MALRD1: variants seen among roughly 807,000 people sequenced by gnomAD.
MALRD1 encodes the protein MAM and LDL-receptor class A domain-containing protein 1.
In MALRD1, 247 loss-of-function variants were observed where a neutral mutation model predicts 242.1. That is an observed-to-expected ratio of 1.02 (90% CI 0.92 to 1.13). The LOEUF is 1.13. Among genes scored for constraint, MALRD1 ranks in the 50% most tolerant of loss-of-function variants. The probability of loss-of-function intolerance (pLI) is 0.00; values close to 1 mark genes in which losing one functional copy is unlikely to be tolerated. For synonymous variants in MALRD1, 995 were observed against 866.6 expected, an observed-to-expected ratio of 1.15 and a Z score of -2.60; for missense variants, 2,989 against 2,533.1, an observed-to-expected ratio of 1.18 and a Z score of -3.86.
At position 19,280,045 on chromosome 10, in the gene MALRD1, A is replaced by C. The variant is rs553212933; in HGVS notation, c.3080-2A>C. ...GATGCCTGTATATTATTTCTTATCA[A>C]GGTAATTTGCCAGCAGACCTCCCAA... On this transcript the variant is annotated splice_acceptor_variant, in intron 19 of 39. Transcript: ENST00000454679. LOFTEE classifies it high-confidence loss of function. 1 of 1,491,766 alleles carries C rather than the reference A, an allele frequency of 6.7e-7. No individual in the cohort carries two copies. Among genetic ancestry groups the C allele is most frequent in the East Asian group, 2.5e-5 (1 of 39,878 alleles). 92.4% of individuals were successfully genotyped at this position (1,491,766 alleles called of 1,614,324 possible).
At chr10:19,293,527 G>T (rs1841548272) in intron 21 of MALRD1, among the ~76,000 whole-genome samples, 1 of 152,060 alleles carries the variant, frequency 6.6e-6, no homozygotes, top group Admixed American at 6.5e-5. Flanking sequence ...CTTTAATTTT[G>T]ATTTTATTCA....
chr10:19,047,325 A>G (rs1365412338), upstream of MALRD1, among the ~76,000 whole-genome samples: 1 of 149,630 alleles, frequency 6.7e-6, no homozygotes, highest in African/African-American at 2.5e-5. Flanking sequence ...AAATGAGTTT[A>G]GTTTTCTATA....
At chr10:19,328,601 G>T (rs926701864) in intron 23 of MALRD1, among the ~76,000 whole-genome samples, 12 of 152,122 alleles carry the variant, frequency 7.9e-5, no homozygotes, top group African/African-American at 2.2e-4. Flanking sequence ...TGATAGATCA[G>T]CTCCTCTCAA....
At chr10:19,142,967 G>A (rs887329061) in intron 10 of MALRD1, among the ~76,000 whole-genome samples, 5 of 152,120 alleles carry the variant, frequency 3.3e-5, no homozygotes, top group East Asian at 1.9e-4. Context: ...ATTCTTTTAC[G>A]TGTACAGGAA....
At chr10:19,639,509 C>T (rs976032145) in intron 36 of MALRD1, among the ~76,000 whole-genome samples, 4 of 152,154 alleles carry the variant, frequency 2.6e-5, no homozygotes, top group South Asian at 4.1e-4. Context: ...ACTTCAAAAT[C>T]GGAGTTTCAC....
At chr10:19,351,891 A>G in intron 25 of MALRD1, 115 bp from the exon 26 acceptor site, 2 of 994,780 alleles carry the variant, frequency 2.0e-6, no homozygotes, top group Non-Finnish European at 1.4e-6. Context: ...AAACAGGTGT[A>G]ATTTTCCTCC....
At chr10:19,515,812 C>T (rs1833602597) in intron 31 of MALRD1, among the ~76,000 whole-genome samples, 1 of 152,092 alleles carries the variant, frequency 6.6e-6, no homozygotes, top group African/African-American at 2.4e-5. Flanking sequence ...TCGTGATCTG[C>T]CTGCCTTGGC....
chr10:19,393,160 G>A (rs979494942), intron 28 of MALRD1, among the ~76,000 whole-genome samples: 1 of 152,014 alleles, frequency 6.6e-6, no homozygotes, highest in Non-Finnish European at 1.5e-5. Context: ...AAATAACTGG[G>A]CCCTATCTTT....
chr10:19,117,086 C>A, intron 5 of MALRD1, among the ~76,000 whole-genome samples: 1 of 142,990 alleles, frequency 7.0e-6, no homozygotes, highest in South Asian at 2.3e-4. Flanking sequence ...CAGAGTGAGA[C>A]TCTGTCTCAA....
At chr10:19,320,855 G>A (rs1280903489) in intron 21 of MALRD1, among the ~76,000 whole-genome samples, 2 of 151,742 alleles carry the variant, frequency 1.3e-5, no homozygotes, top group Non-Finnish European at 2.9e-5. Flanking sequence ...CAAGTTTGTT[G>A]GCTGCATAAA....
chr10:19,574,278 T>G (rs1055290549), intron 33 of MALRD1, among the ~76,000 whole-genome samples: 1 of 152,210 alleles, frequency 6.6e-6, no homozygotes, highest in Non-Finnish European at 1.5e-5. Flanking sequence ...TTGTGTTCAA[T>G]GGTGTATTCT....
intron 5 of MALRD1, among the ~76,000 whole-genome samples, chr10:19,122,539 C>T (rs942797068): frequency 6.6e-6 from 1 of 151,974 alleles, no homozygotes; most frequent in Non-Finnish European, 1.5e-5. Context: ...CAGGGCTCAC[C>T]TACAGTGTCT....
intron 21 of MALRD1, among the ~76,000 whole-genome samples, chr10:19,320,232 C>T (rs541576906): frequency 7.4e-4 from 113 of 151,860 alleles, no homozygotes; most frequent in South Asian, 4.8e-3. Flanking sequence ...ACCCCTACCC[C>T]GCGACAGGCC....
chr10:19,403,812 T>A (rs1475912326), intron 28 of MALRD1, among the ~76,000 whole-genome samples: 1 of 152,172 alleles, frequency 6.6e-6, no homozygotes, highest in Non-Finnish European at 1.5e-5. Flanking sequence ...TTAGTCTTTT[T>A]AGCGTTTGTT....
chr10:19,364,448 T>C (rs1845027518), intron 26 of MALRD1, among the ~76,000 whole-genome samples: 1 of 152,112 alleles, frequency 6.6e-6, no homozygotes, highest in Non-Finnish European at 1.5e-5. Context: ...ATTTTTAATG[T>C]CCTAAGTAAT....
intron 12 of MALRD1, among the ~76,000 whole-genome samples, chr10:19,156,087 G>A (rs4472834): frequency 0.34 from 50,934 of 151,898 alleles, 9,016 homozygotes; most frequent in Non-Finnish European, 0.39. Flanking sequence ...GAAGAGATCA[G>A]TAGTGCCACA....
intron 39 of MALRD1, among the ~76,000 whole-genome samples, chr10:19,733,019 T>C (rs1033875897): frequency 6.6e-6 from 1 of 152,236 alleles, no homozygotes; most frequent in African/African-American, 2.4e-5. Context: ...TATTTTGATT[T>C]CTATTGTTTC....
chr10:19,270,504 G>A (rs1840177233), intron 19 of MALRD1, among the ~76,000 whole-genome samples: 1 of 151,988 alleles, frequency 6.6e-6, no homozygotes, highest in Non-Finnish European at 1.5e-5. Context: ...TTAAAAAGGG[G>A]AAATCTCCAG....
chr10:19,576,004 C>T (rs1836803584), intron 33 of MALRD1, among the ~76,000 whole-genome samples: 1 of 152,196 alleles, frequency 6.6e-6, no homozygotes, highest in South Asian at 2.1e-4. Flanking sequence ...TTGCAAGCAA[C>T]AGAATTGCAG....
Sources: allele counts gnomAD v4.1 joint callset (sites outside exome capture counted in the v4.1 genomes callset), GRCh38; gene constraint gnomAD v4.1.1; transcripts MANE v1.5; gene names NCBI Gene and HGNC (gene_info 2026-07-23, HGNC 2026-07-21).